PANK1: variants seen among roughly 807,000 people sequenced by gnomAD.
PANK1 encodes the protein pantothenic acid kinase 1.
A neutral mutation model predicts 40.1 loss-of-function variants in PANK1; 18 were observed. The ratio of observed to expected loss-of-function variants is 0.45; its 90% CI spans 0.31 to 0.67. The LOEUF (loss-of-function observed/expected upper bound fraction) is 0.67, where lower values mean the gene tolerates loss of function less well. PANK1 is among the 30% of genes least tolerant of loss of function. The pLI is 0.06. For missense variants in PANK1, 457 were observed against 599.6 expected, an observed-to-expected ratio of 0.76 and a Z score of 2.48; for synonymous variants, 242 against 237.7, an observed-to-expected ratio of 1.02 and a Z score of -0.17.
intron 1 of PANK1, among the ~76,000 whole-genome samples, chr10:89,634,849 A>C (rs1237953940): frequency 6.6e-6 from 1 of 152,198 alleles, no homozygotes; most frequent in East Asian, 1.9e-4. Flanking sequence ...AGGGTATGCT[A>C]AACTTGGTGA....
At chr10:89,629,871 A>G (rs968547364) in intron 1 of PANK1, among the ~76,000 whole-genome samples, 1 of 152,240 alleles carries the variant, frequency 6.6e-6, no homozygotes, top group Non-Finnish European at 1.5e-5. Flanking sequence ...CAGTAGTTTG[A>G]AAAGATTTAC....
chr10:89,644,506 G>A, intron 1 of PANK1, 94 bp downstream of exon 1: 1 of 1,118,830 alleles, frequency 8.9e-7, no homozygotes, highest in Admixed American at 2.6e-5. Flanking sequence ...GGGCGCACGG[G>A]GCGTGCTGCG....
At chr10:89,635,211 C>T (rs974122661) in intron 1 of PANK1, among the ~76,000 whole-genome samples, 11 of 151,572 alleles carry the variant, frequency 7.3e-5, no homozygotes, top group Non-Finnish European at 2.9e-5. Flanking sequence ...TGTCTTAGTC[C>T]ATTTTGTGCT....
chr10:89,599,112 C>G (rs1844698147), intron 3 of PANK1, 140 bp downstream of exon 3: 1 of 713,782 alleles, frequency 1.4e-6, no homozygotes. Context: ...CTTTAACACA[C>G]CATTTGATAA....
At position 89,593,832 on chromosome 10, in the gene PANK1, C is replaced by T. The variant is rs1333465002; in HGVS notation, c.1057G>A (p.Gly353Arg). ...CTCTACCTTGATGCTACAGCAGATC[C>T]TTGAAGGCCAAATCGTTCATAGTCT... is the stretch of plus-strand genomic sequence containing the variant. ...GGDYERFGLQ[G>R]SAVASSFGNM... Residue 353 changes from glycine (G) to arginine (R), a missense_variant, in exon 4 of 7, where the codon GGA becomes AGA. Transcript: ENST00000307534. The T allele has an allele frequency of 6.8e-6, 11 of 1,613,632 alleles. No individual in the cohort carries two copies. Among genetic ancestry groups the T allele is most frequent in the Non-Finnish European group, 9.3e-6 (11 of 1,179,606 alleles).
chr10:89,616,172 A>C (rs912260307), intron 1 of PANK1, among the ~76,000 whole-genome samples: 3 of 152,222 alleles, frequency 2.0e-5, no homozygotes, highest in Non-Finnish European at 2.9e-5. Context: ...AAATAAACTG[A>C]CCCACTCATT....
rs1842077285 is a variant in PANK1, at chr10:89,645,073, T to TC, written c.-183dup. The stretch of plus-strand genomic sequence containing the variant: ...TCCTCCTGCCGACTCCCCCACCTCC[T>TC]CTGCGCCCTGCCCCCCGCGCGCCGG... On this transcript the variant is annotated 5_prime_UTR_variant, in exon 1 of 7. Transcript: ENST00000307534. The TC allele has an allele frequency of 1.3e-6, 2 of 1,543,544 alleles. No individual in the cohort carries two copies. Among genetic ancestry groups the TC allele is most frequent in the Admixed American group, 2.0e-5 (1 of 49,612 alleles).
Position 89,644,598 on chromosome 10 carries a change from A to C in PANK1, c.292+2T>G. Reference sequence around the variant, plus strand: ...CCGCGCTCCCCTCCCAGCGGGACTTACGCGGCCTGTTCTTTCTCCCCGAGT... The same window carrying C: ...CCGCGCTCCCCTCCCAGCGGGACTTCCGCGGCCTGTTCTTTCTCCCCGAGT... On this transcript the variant is annotated splice_donor_variant, in intron 1 of 6. Transcript: ENST00000307534. LOFTEE classifies it high-confidence loss of function. The C allele has an allele frequency of 1.3e-6, 2 of 1,588,600 alleles. No individual in the cohort carries two copies. Among genetic ancestry groups the C allele is most frequent in the Non-Finnish European group, 1.7e-6 (2 of 1,172,434 alleles).
At chr10:89,627,249 C>T (rs1295839716) in intron 1 of PANK1, among the ~76,000 whole-genome samples, 13 of 147,460 alleles carry the variant, frequency 8.8e-5, no homozygotes, top group Admixed American at 8.8e-4. Flanking sequence ...AAAAAAAATT[C>T]CACGAAGTTC....
rs1844454243 is a variant in PANK1 at position 89,593,182 on chromosome 10, T to C, written c.1200+15A>G. On this transcript the variant is annotated intron_variant, in intron 5 of 6. Coordinates refer to ENST00000307534, the MANE Select transcript of PANK1 (RefSeq NM_148977.3). ...GAATGACACACAGCTTTCACCGGGT[T>C]GAGTAAGGCCTTACCTCATTCAACG... The C allele has an allele frequency of 6.2e-7, 1 of 1,612,588 alleles. No homozygotes were observed. Among genetic ancestry groups the C allele is most frequent in the South Asian group, 1.1e-5 (1 of 90,952 alleles).
intron 2 of PANK1, among the ~76,000 whole-genome samples, chr10:89,600,181 T>C (rs1844732463): frequency 1.3e-5 from 2 of 152,254 alleles, no homozygotes; most frequent in African/African-American, 4.8e-5. Flanking sequence ...TTATTTGTTA[T>C]AGCAGTGACA....
chr10:89,639,697 C>A (rs1244650742), intron 1 of PANK1, among the ~76,000 whole-genome samples: 1 of 152,220 alleles, frequency 6.6e-6, no homozygotes, highest in African/African-American at 2.4e-5. Context: ...CCCACTAGGG[C>A]CCTGCCCAGC....
intron 3 of PANK1, among the ~76,000 whole-genome samples, chr10:89,595,873 T>TATATATATA (rs781450193): frequency 2.5e-5 from 2 of 81,500 alleles, no homozygotes; most frequent in African/African-American, 5.4e-5. Flanking sequence ...TATATATATA[T>TATATATATA]AACTTCATTT....
In PANK1 at chr10:89,590,792, G is replaced by A. The variant is rs914963251; in HGVS notation, c.1201-2015C>T. ...GATCAATTTCAAGATGCGTTATTACGTCAAAAAGCAAAAGGCAGTATTTTT... is the reference window on the plus strand; with the variant it reads ...GATCAATTTCAAGATGCGTTATTACATCAAAAAGCAAAAGGCAGTATTTTT... On this transcript the variant is annotated intron_variant, in intron 5 of 6. Coordinates refer to ENST00000307534, the MANE Select transcript of PANK1 (RefSeq NM_148977.3). Among the ~76,000 whole-genome samples the A allele has an allele frequency of 8.5e-5, 13 of 152,124 alleles. No individual in the cohort carries two copies. The East Asian group carries it at 1.5e-3, about 18-fold the overall frequency.
At chr10:89,641,772 TA>T (rs869308467) in intron 1 of PANK1, among the ~76,000 whole-genome samples, 1 of 132,278 alleles carries the variant, frequency 7.6e-6, no homozygotes, top group East Asian at 2.2e-4. Context: ...AATAAATAAA[TA>T]AAATAAAAAA....
intron 1 of PANK1, among the ~76,000 whole-genome samples, chr10:89,641,768 T>A (rs201519572): frequency 9.9e-6 from 1 of 100,870 alleles, no homozygotes; most frequent in Non-Finnish European, 2.0e-5. Flanking sequence ...AATAAATAAA[T>A]AAATAAAATA....
chr10:89,594,868 C>T (rs1000796908), intron 3 of PANK1, among the ~76,000 whole-genome samples: 1 of 152,132 alleles, frequency 6.6e-6, no homozygotes, highest in Non-Finnish European at 1.5e-5. Context: ...TAAAGTATCG[C>T]CAGTGAACTC....
intron 1 of PANK1, among the ~76,000 whole-genome samples, chr10:89,612,653 A>G (rs1341376893): frequency 6.6e-6 from 1 of 152,210 alleles, no homozygotes; most frequent in African/African-American, 2.4e-5. Context: ...GAAGTAGACT[A>G]TGAGAGATGA....
intron 1 of PANK1, 150 bp from the exon 2 acceptor site, chr10:89,612,198 AG>A (rs1209196269): frequency 5.7e-6 from 4 of 705,262 alleles, no homozygotes; most frequent in African/African-American, 1.8e-5. Flanking sequence ...TGTGCCTAAA[AG>A]GTGGCACAGA....
Sources: allele counts gnomAD v4.1 joint callset (sites outside exome capture counted in the v4.1 genomes callset), GRCh38; gene constraint gnomAD v4.1.1; transcripts MANE v1.5; gene names NCBI Gene and HGNC (gene_info 2026-07-23, HGNC 2026-07-21).